RTL4: variants seen among roughly 807,000 people sequenced by gnomAD.
RTL4 encodes the protein retrotransposon Gag-like protein 4.
In RTL4, 4 loss-of-function variants were observed where a neutral mutation model predicts 5.3. That is an observed-to-expected ratio of 0.75 (90% confidence interval 0.37 to 1.72). The LOEUF (loss-of-function observed/expected upper bound fraction) is 1.72, where lower values mean the gene tolerates loss of function less well. Among genes scored for constraint, RTL4 ranks in the 40% most tolerant of loss-of-function variants. RTL4 has a pLI of 0.04. For missense variants in RTL4, 260 were observed against 227.1 expected (o/e 1.14, Z -0.93); for synonymous variants, 98 against 87.3 (o/e 1.12, Z -0.68).
At chrX:112,404,140 C>T in the RTL4 span, among the ~76,000 whole-genome samples, 91 of 111,334 alleles carry the variant, frequency 8.2e-4, no homozygotes, top group African/African-American at 2.7e-3. Flanking sequence ...TGCTGGTTCA[C>T]TGTTTATGTG....
At chrX:112,335,933 C>T in the RTL4 span, among the ~76,000 whole-genome samples, 1 of 109,734 alleles carries the variant, frequency 9.1e-6, no homozygotes, top group Non-Finnish European at 1.9e-5. Flanking sequence ...AGCTCCGCCT[C>T]CCAGATTCAC....
the RTL4 span, among the ~76,000 whole-genome samples, chrX:112,438,383 G>A: frequency 8.9e-6 from 1 of 112,187 alleles, no homozygotes; most frequent in African/African-American, 3.2e-5. Context: ...CGAGGCAACA[G>A]TACTACAGTT....
At chrX:112,301,729 G>A in the RTL4 span, among the ~76,000 whole-genome samples, 3 of 109,747 alleles carry the variant, frequency 2.7e-5, no homozygotes, top group South Asian at 8.0e-4. Context: ...TTGGGAGGCC[G>A]AGGTGGGAGT....
the RTL4 span, among the ~76,000 whole-genome samples, chrX:112,218,423 T>A: frequency 8.9e-6 from 1 of 112,161 alleles, no homozygotes; most frequent in Admixed American, 9.4e-5. Context: ...ATGCCCTTTC[T>A]CCATAGGCTC....
chrX:112,318,900 T>C, the RTL4 span, among the ~76,000 whole-genome samples: 1 of 111,560 alleles, frequency 9.0e-6, no homozygotes, highest in African/African-American at 3.3e-5. Flanking sequence ...GAGAACAGAA[T>C]GAATTAATCA....
chrX:112,154,454 G>A, the RTL4 span, among the ~76,000 whole-genome samples: 2 of 111,893 alleles, frequency 1.8e-5, no homozygotes, highest in African/African-American at 3.2e-5. Context: ...TGGCAAGTCT[G>A]GAAATCAGAC....
the RTL4 span, among the ~76,000 whole-genome samples, chrX:112,335,674 T>A: frequency 9.0e-6 from 1 of 110,617 alleles, no homozygotes; most frequent in African/African-American, 3.3e-5. Flanking sequence ...AAGGCTTATC[T>A]AAGAATCTTT....
the RTL4 span, among the ~76,000 whole-genome samples, chrX:112,151,221 G>T: frequency 8.9e-6 from 1 of 112,223 alleles, no homozygotes; most frequent in Non-Finnish European, 1.9e-5. Context: ...ACAGAGCATG[G>T]TCTCACATTG....
the RTL4 span, among the ~76,000 whole-genome samples, chrX:112,120,470 G>A: frequency 9.1e-6 from 1 of 110,333 alleles, no homozygotes; most frequent in Admixed American, 9.6e-5. Context: ...TAGAGACGGG[G>A]TTTCACTGTG....
chrX:112,338,532 G>C, the RTL4 span, among the ~76,000 whole-genome samples: 233 of 112,103 alleles, frequency 2.1e-3, 1 homozygote, highest in Non-Finnish European at 3.4e-3. Context: ...ATATATTACA[G>C]TACTTATCCT....
At chrX:112,290,811 A>G in the RTL4 span, among the ~76,000 whole-genome samples, 1 of 112,166 alleles carries the variant, frequency 8.9e-6, no homozygotes, top group Non-Finnish European at 1.9e-5. Flanking sequence ...TTTCTTCTAC[A>G]TCTCATTGGA....
the RTL4 span, among the ~76,000 whole-genome samples, chrX:112,403,163 G>A: frequency 9.9e-5 from 11 of 111,106 alleles, no homozygotes; most frequent in East Asian, 2.8e-4. Context: ...ACCATTGCCC[G>A]TTTCCCTACC....
the RTL4 span, among the ~76,000 whole-genome samples, chrX:112,409,592 G>A: frequency 3.6e-5 from 4 of 109,597 alleles, no homozygotes; most frequent in African/African-American, 1.3e-4. Flanking sequence ...GTGATGGCAG[G>A]CACCTGTAAT....
chrX:112,329,658 A>T, the RTL4 span, among the ~76,000 whole-genome samples: 1 of 111,001 alleles, frequency 9.0e-6, no homozygotes, highest in African/African-American at 3.3e-5. Context: ...AACTCATTTT[A>T]TGAGGCCAGC....
chrX:112,093,025 T>C, the RTL4 span, among the ~76,000 whole-genome samples: 6 of 111,068 alleles, frequency 5.4e-5, no homozygotes, highest in Non-Finnish European at 9.5e-5. Context: ...GGCTTAAGGT[T>C]ATCTTGGCCT....
the RTL4 span, among the ~76,000 whole-genome samples, chrX:112,263,885 C>A: frequency 9.0e-6 from 1 of 111,220 alleles, no homozygotes; most frequent in Non-Finnish European, 1.9e-5. Flanking sequence ...ACCTTGAATT[C>A]GTGCAATTTT....
chrX:112,198,733 G>C, the RTL4 span, among the ~76,000 whole-genome samples: 1 of 111,061 alleles, frequency 9.0e-6, no homozygotes, highest in Admixed American at 9.6e-5. Context: ...AACATTTCTT[G>C]AATGCTGACT....
the RTL4 span, among the ~76,000 whole-genome samples, chrX:112,341,754 A>G: frequency 8.9e-6 from 1 of 112,036 alleles, no homozygotes; most frequent in East Asian, 2.8e-4. Flanking sequence ...GTTCACAAGC[A>G]GCAAATGTAG....
At chrX:112,426,545 C>T in the RTL4 span, among the ~76,000 whole-genome samples, 87 of 111,276 alleles carry the variant, frequency 7.8e-4, 1 homozygote, top group African/African-American at 2.7e-3. Context: ...TCTTCTTTTA[C>T]ATATTTTATC....
Sources: allele counts gnomAD v4.1 joint callset (sites outside exome capture counted in the v4.1 genomes callset), GRCh38; gene constraint gnomAD v4.1.1; transcripts MANE v1.5; gene names NCBI Gene and HGNC (gene_info 2026-07-23, HGNC 2026-07-21).